Variants in CDC42SE2 observed in about 807,000 individuals in gnomAD.
CDC42SE2 encodes CDC42 small effector protein 2.
Under a neutral mutation model 11.5 loss-of-function variants are expected in CDC42SE2, and 3 were observed. The observed-to-expected ratio is 0.26, with a 90% CI of 0.12 to 0.67. The LOEUF is 0.67. Among genes scored for constraint, CDC42SE2 ranks in the 30% least tolerant of loss-of-function variants. CDC42SE2 has a pLI of 0.80. For missense variants in CDC42SE2, 82 were observed against 106.8 expected, an observed-to-expected ratio of 0.77 and a Z score of 1.02; for synonymous variants, 33 against 34.8, an observed-to-expected ratio of 0.95 and a Z score of 0.18.
chr5:131,217,429 G>C, the CDC42SE2 span, among the ~76,000 whole-genome samples: 1 of 152,062 alleles, frequency 6.6e-6, no homozygotes, highest in African/African-American at 2.4e-5. Flanking sequence ...GCTTTTAAAG[G>C]CTTATGTTTT....
chr5:131,390,833 A>G (rs1750628628), intron 4 of CDC42SE2, among the ~76,000 whole-genome samples, 160 bp from the exon 5 acceptor site: 2 of 152,206 alleles, frequency 1.3e-5, no homozygotes, highest in Admixed American at 6.5e-5. Flanking sequence ...GTTTGTCCTT[A>G]TAACTAGAAA....
intron 2 of CDC42SE2, among the ~76,000 whole-genome samples, chr5:131,346,828 T>C (rs1758857818): frequency 6.6e-6 from 1 of 152,078 alleles, no homozygotes; most frequent in Admixed American, 6.5e-5. Context: ...GCAATCAAAC[T>C]AGAACTCAGG....
intron 1 of CDC42SE2, among the ~76,000 whole-genome samples, chr5:131,276,720 C>T (rs1004691436): frequency 7.5e-6 from 1 of 133,822 alleles, no homozygotes; most frequent in Admixed American, 8.2e-5. Flanking sequence ...ATAAACATGA[C>T]CATTAGAATT....
chr5:131,301,454 A>G (rs1757681736), intron 1 of CDC42SE2, among the ~76,000 whole-genome samples: 1 of 152,124 alleles, frequency 6.6e-6, no homozygotes, highest in African/African-American at 2.4e-5. Context: ...GTAGAATTAT[A>G]TTTCAATTAA....
intron 3 of CDC42SE2, among the ~76,000 whole-genome samples, chr5:131,371,934 A>G (rs1750021897): frequency 6.6e-6 from 1 of 152,202 alleles, no homozygotes; most frequent in Non-Finnish European, 1.5e-5. Context: ...AAATGCTTTC[A>G]TATATATTAA....
chr5:131,295,989 C>T (rs1486639074), intron 1 of CDC42SE2, among the ~76,000 whole-genome samples: 1 of 152,054 alleles, frequency 6.6e-6, no homozygotes, highest in African/African-American at 2.4e-5. Context: ...CCGGCCAACA[C>T]ATTTCTTTTT....
chr5:131,246,350 G>T (rs1190975891), intron 1 of CDC42SE2, among the ~76,000 whole-genome samples: 1 of 152,116 alleles, frequency 6.6e-6, no homozygotes, highest in African/African-American at 2.4e-5. Flanking sequence ...CAGCTACTCA[G>T]AAGGCTGAGG....
chr5:131,378,586 T>C (rs1055656804), intron 3 of CDC42SE2, among the ~76,000 whole-genome samples: 1 of 152,260 alleles, frequency 6.6e-6, no homozygotes, highest in Admixed American at 6.5e-5. Flanking sequence ...CAGACTTGTT[T>C]ATTAACTAAT....
intron 1 of CDC42SE2, among the ~76,000 whole-genome samples, chr5:131,247,492 G>A (rs975922159): frequency 2.6e-5 from 4 of 151,938 alleles, no homozygotes; most frequent in African/African-American, 7.3e-5. Flanking sequence ...GGTGGTGGGC[G>A]CCTGTGATCC....
chr5:131,306,769 T>C (rs1034075473), intron 1 of CDC42SE2, among the ~76,000 whole-genome samples: 10 of 152,184 alleles, frequency 6.6e-5, no homozygotes, highest in Non-Finnish European at 2.9e-5. Context: ...GTTTCTTTCA[T>C]CAGTGTTTTA....
chr5:131,360,097 C>T (rs866056600), intron 3 of CDC42SE2, among the ~76,000 whole-genome samples: 9 of 152,264 alleles, frequency 5.9e-5, no homozygotes, highest in South Asian at 2.1e-4. Flanking sequence ...GTTACCTCTA[C>T]CAAAATCCTG....
At chr5:131,345,463 G>A (rs546715065) in intron 2 of CDC42SE2, among the ~76,000 whole-genome samples, 27 of 152,252 alleles carry the variant, frequency 1.8e-4, no homozygotes, top group African/African-American at 6.3e-4. Context: ...AGGGTAAAAA[G>A]AAATGAACAA....
At chr5:131,307,112 T>C (rs917933718) in intron 1 of CDC42SE2, among the ~76,000 whole-genome samples, 1 of 151,882 alleles carries the variant, frequency 6.6e-6, no homozygotes, top group Non-Finnish European at 1.5e-5. Flanking sequence ...CATGTGCACA[T>C]TGTGCAGGTT....
chr5:131,370,204 T>C (rs1384438377), intron 3 of CDC42SE2, among the ~76,000 whole-genome samples: 2 of 152,198 alleles, frequency 1.3e-5, no homozygotes, highest in East Asian at 1.9e-4. Flanking sequence ...AGAAAAATTA[T>C]TTTATTATTG....
chr5:131,386,866 G>T (rs1365619824), intron 4 of CDC42SE2, among the ~76,000 whole-genome samples: 3 of 147,192 alleles, frequency 2.0e-5, no homozygotes, highest in Admixed American at 2.0e-4. Context: ...ATTAACAAAA[G>T]ACTTAACAGG....
chr5:131,286,678 A>G (rs979307085), intron 1 of CDC42SE2, among the ~76,000 whole-genome samples: 1 of 151,966 alleles, frequency 6.6e-6, no homozygotes, highest in African/African-American at 2.4e-5. Context: ...ACTCAACTTG[A>G]AGATGATAAG....
chr5:131,385,442 G>T, intron 3 of CDC42SE2, 101 bp from the exon 4 acceptor site: 1 of 725,920 alleles, frequency 1.4e-6, no homozygotes, highest in Admixed American at 2.6e-5. Flanking sequence ...AGGCATTTTT[G>T]TGTTCTTGGC....
At chr5:131,344,843 A>G (rs1020361360) in intron 2 of CDC42SE2, among the ~76,000 whole-genome samples, 4 of 152,356 alleles carry the variant, frequency 2.6e-5, no homozygotes, top group Admixed American at 1.3e-4. Flanking sequence ...CCATTATGCA[A>G]TATTTGCTGT....
At chr5:131,378,572 C>T (rs907052500) in intron 3 of CDC42SE2, among the ~76,000 whole-genome samples, 9 of 152,196 alleles carry the variant, frequency 5.9e-5, no homozygotes, top group Non-Finnish European at 1.0e-4. Context: ...AGAGAAATAC[C>T]GTACAGACTT....
Sources: allele counts gnomAD v4.1 joint callset (sites outside exome capture counted in the v4.1 genomes callset), GRCh38; gene constraint gnomAD v4.1.1; transcripts MANE v1.5; gene names NCBI Gene and HGNC (gene_info 2026-07-23, HGNC 2026-07-21).